Variants in ITGAV observed in about 807,000 individuals in gnomAD.
ITGAV encodes integrin alpha-V.
In ITGAV, 76 loss-of-function variants were observed where a neutral mutation model predicts 143.8. That is an observed-to-expected ratio of 0.53 (90% CI 0.44 to 0.64). The LOEUF (loss-of-function observed/expected upper bound fraction) is 0.64, where lower values mean the gene tolerates loss of function less well. Ranked by LOEUF, ITGAV falls within the 30% of genes least tolerant of loss-of-function variation. The probability of loss-of-function intolerance (pLI) is 0.00; values close to 1 mark genes in which losing one functional copy is unlikely to be tolerated. For synonymous variants in ITGAV, 453 were observed against 446.7 expected (o/e 1.01, Z -0.18); for missense variants, 1,193 against 1,274.7 (o/e 0.94, Z 0.98).
At chr2:186,645,901 G>A (rs970604778) in intron 12 of ITGAV, among the ~76,000 whole-genome samples, 3 of 152,162 alleles carry the variant, frequency 2.0e-5, no homozygotes, top group African/African-American at 7.2e-5. Flanking sequence ...GAACCCAGGA[G>A]GTGGAGCTTG....
chr2:186,596,920 TTCA>T (rs1686764852), intron 1 of ITGAV, among the ~76,000 whole-genome samples: 1 of 152,206 alleles, frequency 6.6e-6, no homozygotes, highest in Non-Finnish European at 1.5e-5. Context: ...GATGAAAAAC[TTCA>T]TCAGCTTTTT....
At position 186,638,319 on chromosome 2, in the gene ITGAV, T is replaced by C; in HGVS notation, c.845T>C (p.Met282Thr). Reference sequence around the variant, plus strand: ...CCAAGAGCAGCAAGGACTTTGGGAATGGTAGGACAGTTAAAAGGTATTTTT... The same window carrying C: ...CCAAGAGCAGCAAGGACTTTGGGAACGGTAGGACAGTTAAAAGGTATTTTT... ...GVPRAARTLG[M>T]VYIYDGKNMS... Residue 282 changes from methionine to threonine, a missense_variant and splice_region_variant, in exon 9 of 30, where the codon ATG becomes ACG. Coordinates refer to ENST00000261023, the MANE Select transcript of ITGAV (RefSeq NM_002210.5). The C allele has an allele frequency of 1.9e-6, 3 of 1,613,566 alleles. No homozygotes were observed. The highest frequency in any genetic ancestry group is 1.7e-4 in the Middle Eastern group (1 of 6,052).
At chr2:186,660,913 T>C (rs1381799112) in intron 18 of ITGAV, among the ~76,000 whole-genome samples, 1 of 152,204 alleles carries the variant, frequency 6.6e-6, no homozygotes, top group Non-Finnish European at 1.5e-5. Context: ...TGTGTGTGTG[T>C]CTGTGTCCTA....
chr2:186,590,549 GC>G, intron 1 of ITGAV, 26 bp downstream of exon 1: 1 of 1,597,584 alleles, frequency 6.3e-7, no homozygotes, highest in Non-Finnish European at 8.5e-7. Context: ...TGGAACTGGA[GC>G]CGGCCCCCTC....
chr2:186,621,558 A>G (rs902206343), intron 2 of ITGAV, among the ~76,000 whole-genome samples: 1 of 152,230 alleles, frequency 6.6e-6, no homozygotes, highest in African/African-American at 2.4e-5. Flanking sequence ...ATAAAATTCA[A>G]TCAAAGATCA....
chr2:186,655,963 A>C (rs1688570593), intron 16 of ITGAV, among the ~76,000 whole-genome samples: 1 of 152,180 alleles, frequency 6.6e-6, no homozygotes, highest in South Asian at 2.1e-4. Context: ...TTAAATTAAA[A>C]GATAGCATTT....
chr2:186,664,865 G>A (rs1456384357), intron 20 of ITGAV, among the ~76,000 whole-genome samples: 1 of 152,136 alleles, frequency 6.6e-6, no homozygotes, highest in Non-Finnish European at 1.5e-5. Flanking sequence ...TGGAAACAAG[G>A]TTAGATAGAT....
intron 1 of ITGAV, 86 bp downstream of exon 1, chr2:186,590,609 G>C (rs1686590938): frequency 1.6e-6 from 2 of 1,239,382 alleles, no homozygotes; most frequent in Non-Finnish European, 2.2e-6. Context: ...ATTGATTTCC[G>C]AGAGATCCCG....
intron 15 of ITGAV, among the ~76,000 whole-genome samples, chr2:186,652,449 C>A (rs1203399846): frequency 6.6e-6 from 1 of 152,004 alleles, no homozygotes; most frequent in African/African-American, 2.4e-5. Flanking sequence ...GCCTCAGCCT[C>A]CTAAAGTGCT....
chr2:186,602,198 T>G, intron 2 of ITGAV, 47 bp downstream of exon 2: 2 of 1,566,302 alleles, frequency 1.3e-6, no homozygotes, highest in Non-Finnish European at 1.7e-6. Flanking sequence ...CATTTGATTT[T>G]TTTTTTGCAA....
At chr2:186,671,381 G>T (rs776138702) in intron 26 of ITGAV, among the ~76,000 whole-genome samples, 5 of 151,984 alleles carry the variant, frequency 3.3e-5, no homozygotes, top group Non-Finnish European at 5.9e-5. Flanking sequence ...TGAACAGATA[G>T]CCCCAAGCAT....
At chr2:186,669,947 C>A in intron 26 of ITGAV, 133 bp downstream of exon 26, 1 of 660,862 alleles carries the variant, frequency 1.5e-6, no homozygotes, top group Non-Finnish European at 2.7e-6. Context: ...CCATGCATTC[C>A]TCTCACTTTC....
chr2:186,639,857 A>AGGT (rs1457342306), intron 10 of ITGAV, among the ~76,000 whole-genome samples: 1 of 152,190 alleles, frequency 6.6e-6, no homozygotes, highest in East Asian at 1.9e-4. Context: ...CAAACACCAT[A>AGGT]GGTGACTAAG....
At position 186,656,535 on chromosome 2, in the gene ITGAV, T is replaced by C. The variant is rs1688591994; in HGVS notation, c.1719+134T>C. On this transcript the variant is annotated intron_variant, in intron 17 of 29. Transcript: ENST00000261023. ...AAAAATACACAAAGGAAATTTAGCT[T>C]TGTAAAGTGTCATACCTGAATGATG... 4 of 625,284 alleles carry C rather than the reference T, an allele frequency of 6.4e-6. No individual in the cohort carries two copies. The East Asian group carries it at 1.3e-4, about 21-fold the overall frequency. 38.7% of individuals were successfully genotyped at this position (625,284 alleles called of 1,614,324 possible).
chr2:186,654,529 TGAA>T, intron 15 of ITGAV, 118 bp from the exon 16 acceptor site: 2 of 539,890 alleles, frequency 3.7e-6, no homozygotes, highest in Non-Finnish European at 6.6e-6. Context: ...TATTAAGACA[TGAA>T]GAAAGATGTA....
At chr2:186,646,508 A>G (rs1020759045) in intron 12 of ITGAV, among the ~76,000 whole-genome samples, 178 bp from the exon 13 acceptor site, 7 of 152,222 alleles carry the variant, frequency 4.6e-5, no homozygotes, top group Non-Finnish European at 2.9e-5. Context: ...AGTATTTATC[A>G]TGATGAATGG....
At chr2:186,637,845 A>G (rs1428821638) in intron 8 of ITGAV, among the ~76,000 whole-genome samples, 1 of 152,044 alleles carries the variant, frequency 6.6e-6, no homozygotes, top group African/African-American at 2.4e-5. Flanking sequence ...TTGTCCATCC[A>G]TCTTCCTTCA....
chr2:186,638,658 G>C (rs1688018012), intron 10 of ITGAV, among the ~76,000 whole-genome samples, 193 bp downstream of exon 10: 1 of 151,406 alleles, frequency 6.6e-6, no homozygotes, highest in Non-Finnish European at 1.5e-5. Context: ...GTGTGTGTGT[G>C]TGTGTGTGTG....
chr2:186,665,771 A>G (rs1304872525), intron 21 of ITGAV, among the ~76,000 whole-genome samples: 1 of 152,232 alleles, frequency 6.6e-6, no homozygotes, highest in Non-Finnish European at 1.5e-5. Flanking sequence ...AAATGGCAGC[A>G]TATGCTGTGT....
Sources: allele counts gnomAD v4.1 joint callset (sites outside exome capture counted in the v4.1 genomes callset), GRCh38; gene constraint gnomAD v4.1.1; transcripts MANE v1.5; gene names NCBI Gene and HGNC (gene_info 2026-07-23, HGNC 2026-07-21).